TDRD5: variants seen among roughly 807,000 people sequenced by gnomAD.
The protein encoded by TDRD5 is tudor domain containing 5.
A neutral mutation model predicts 120.6 loss-of-function variants in TDRD5; 41 were observed. The ratio of observed to expected loss-of-function variants is 0.34; its 90% CI spans 0.26 to 0.44. The LOEUF (loss-of-function observed/expected upper bound fraction) is 0.44, where lower values mean the gene tolerates loss of function less well. Among genes scored for constraint, TDRD5 ranks in the 20% least tolerant of loss-of-function variants. TDRD5 has a pLI of 1.00. For synonymous variants in TDRD5, 430 were observed against 433.7 expected, an observed-to-expected ratio of 0.99 and a Z score of 0.11; for missense variants, 1,006 against 1,221.2, an observed-to-expected ratio of 0.82 and a Z score of 2.63.
At chr1:179,600,334 C>T (rs1011206706) in intron 4 of TDRD5, among the ~76,000 whole-genome samples, 3 of 152,140 alleles carry the variant, frequency 2.0e-5, no homozygotes, top group Non-Finnish European at 4.4e-5. Flanking sequence ...TTTTACTGTA[C>T]CTCTTGTGTT....
intron 4 of TDRD5, among the ~76,000 whole-genome samples, chr1:179,607,734 A>G (rs1252090705): frequency 6.6e-6 from 1 of 151,894 alleles, no homozygotes; most frequent in Admixed American, 6.6e-5. Context: ...TTCTCATTTT[A>G]TATACCTCTT....
intron 6 of TDRD5, among the ~76,000 whole-genome samples, chr1:179,630,457 T>C (rs1041076218): frequency 1.3e-5 from 2 of 150,492 alleles, no homozygotes; most frequent in African/African-American, 4.8e-5. Flanking sequence ...CATTCTCCTC[T>C]TGTTTTTTTA....
intron 17 of TDRD5, among the ~76,000 whole-genome samples, chr1:179,670,341 G>A (rs113021951): frequency 0.05 from 7,574 of 151,202 alleles, 270 homozygotes; most frequent in Non-Finnish European, 0.069. Context: ...GCAGTGAGCC[G>A]AGATCGTGCC....
chr1:179,624,579 TA>T (rs1255183493), intron 6 of TDRD5, among the ~76,000 whole-genome samples: 6 of 152,228 alleles, frequency 3.9e-5, no homozygotes, highest in African/African-American at 1.4e-4. Context: ...ACAAGGTTAG[TA>T]TACGGAAATC....
chr1:179,598,396 A>G (rs1675521676), intron 4 of TDRD5, among the ~76,000 whole-genome samples: 1 of 152,256 alleles, frequency 6.6e-6, no homozygotes, highest in Non-Finnish European at 1.5e-5. Context: ...AGTTTCTGCC[A>G]GAAATAAATA....
chr1:179,640,510 T>A, intron 11 of TDRD5, 65 bp downstream of exon 11: 1 of 1,463,058 alleles, frequency 6.8e-7, no homozygotes, highest in Non-Finnish European at 9.6e-7. Context: ...CCAATAACAG[T>A]TTCACATGCT....
At chr1:179,635,980 AC>A in intron 9 of TDRD5, 93 bp downstream of exon 9, 1 of 1,126,604 alleles carries the variant, frequency 8.9e-7, no homozygotes, top group Non-Finnish European at 1.2e-6. Flanking sequence ...AAAATTAAAG[AC>A]CCAAGAGAGC....
intron 17 of TDRD5, among the ~76,000 whole-genome samples, chr1:179,682,832 G>C (rs1032395124): frequency 6.6e-6 from 1 of 152,064 alleles, no homozygotes; most frequent in Admixed American, 6.6e-5. Flanking sequence ...CATGTGTTAG[G>C]ATGTCTTTCC....
intron 4 of TDRD5, among the ~76,000 whole-genome samples, chr1:179,616,219 T>G (rs975642554): frequency 6.6e-6 from 1 of 152,094 alleles, no homozygotes; most frequent in Non-Finnish European, 1.5e-5. Flanking sequence ...TTCCAAGCTT[T>G]TATAATTGAT....
intron 4 of TDRD5, among the ~76,000 whole-genome samples, chr1:179,605,542 G>A (rs531518260): frequency 1.3e-5 from 2 of 152,240 alleles, no homozygotes; most frequent in African/African-American, 4.8e-5. Flanking sequence ...TGACAAATAT[G>A]TAATGACATA....
intron 7 of TDRD5, among the ~76,000 whole-genome samples, chr1:179,631,309 A>G (rs1251954558): frequency 7.9e-5 from 12 of 152,146 alleles, no homozygotes; most frequent in South Asian, 2.1e-4. Context: ...GGAGAATGGC[A>G]TGAACCCGGG....
At position 179,679,736 on chromosome 1, in the gene TDRD5, C is replaced by G. The variant is rs559854400; in HGVS notation, c.2860+10332C>G. On this transcript the variant is annotated intron_variant, in intron 17 of 17. Coordinates refer to ENST00000444136, the MANE Select transcript of TDRD5 (RefSeq NM_001199085.3). ...TCCCCCCATCTAGAGGTTTTTCCCC[C>G]CGATCTAGAGGTTTATCAATTTTAT... is the stretch of plus-strand genomic sequence containing the variant. Among the ~76,000 whole-genome samples the G allele has an allele frequency of 2.6e-5, 4 of 151,770 alleles. No homozygotes were observed. The East Asian group carries it at 7.7e-4, about 29-fold the overall frequency.
At chr1:179,652,560 GTTA>G (rs1182367522) in intron 13 of TDRD5, among the ~76,000 whole-genome samples, 1 of 151,818 alleles carries the variant, frequency 6.6e-6, no homozygotes. Flanking sequence ...ATATTGTAAT[GTTA>G]TTATGTATTT....
intron 11 of TDRD5, among the ~76,000 whole-genome samples, chr1:179,641,886 C>T (rs11806102): frequency 0.43 from 65,399 of 151,792 alleles, 14,205 homozygotes; most frequent in Admixed American, 0.47. Flanking sequence ...AAACAATGTA[C>T]GCAAAATATG....
intron 10 of TDRD5, 107 bp from the exon 11 acceptor site, chr1:179,640,272 A>AT (rs1311332878): frequency 7.8e-7 from 1 of 1,275,306 alleles, no homozygotes; most frequent in African/African-American, 1.5e-5. Context: ...GGACGATGAG[A>AT]TTACGTTTTA....
chr1:179,652,142 T>G lies in TDRD5; in HGVS notation c.2105T>G (p.Phe702Cys), dbSNP rs1380561553. 1 of 1,613,988 alleles carries G rather than the reference T, an allele frequency of 6.2e-7. No individual in the cohort carries two copies. The highest frequency in any genetic ancestry group is 1.7e-5 in the Admixed American group (1 of 59,982). ...GGTTATCCTTCCCAGCAGCACTATT[T>G]TAATGAAGACCGAAAGATAAGTCCA... ...ELGYPSQQHY[F>C]NEDRKISPQS... The change falls in exon 13 of 18, where the codon TTT becomes TGT. Residue 702 changes from phenylalanine (F) to cysteine (C), a missense_variant. Phe to Cys is a radical substitution (Grantham distance 205). Around this residue, in one of 3 missense-constraint regions of TDRD5, gnomAD observed 403 missense variants for 448.1 expected, o/e 0.90. Coordinates refer to ENST00000444136, the MANE Select transcript of TDRD5 (RefSeq NM_001199085.3).
At chr1:179,641,012 A>G (rs527759358) in intron 11 of TDRD5, among the ~76,000 whole-genome samples, 1 of 152,258 alleles carries the variant, frequency 6.6e-6, no homozygotes, top group South Asian at 2.1e-4. Context: ...CTCTAGCAAC[A>G]TTGTGGCAGA....
intron 17 of TDRD5, among the ~76,000 whole-genome samples, chr1:179,676,329 G>A (rs1488318546): frequency 1.3e-5 from 2 of 152,182 alleles, no homozygotes; most frequent in Non-Finnish European, 2.9e-5. Context: ...CTTTTAAGTG[G>A]AGCATTGAGG....
At chr1:179,623,084 C>T (rs185105460) in intron 6 of TDRD5, among the ~76,000 whole-genome samples, 1 of 152,244 alleles carries the variant, frequency 6.6e-6, no homozygotes, top group East Asian at 1.9e-4. Flanking sequence ...AATGGAATGA[C>T]ATCTTTAATG....
Sources: allele counts gnomAD v4.1 joint callset (sites outside exome capture counted in the v4.1 genomes callset), GRCh38; gene constraint gnomAD v4.1.1; regional missense constraint gnomAD v4.1.1; transcripts MANE v1.5; gene names NCBI Gene and HGNC (gene_info 2026-07-23, HGNC 2026-07-21).